The following PSMB3 variants were observed in gnomAD, a reference collection of about 807,000 sequenced individuals.
PSMB3 encodes proteasome subunit beta type-3.
PSMB3 carries 5 observed loss-of-function variants against 23.3 expected under a neutral mutation model. That is an observed-to-expected ratio of 0.21 (90% confidence interval 0.11 to 0.45). PSMB3 has a LOEUF of 0.45. Among genes scored for constraint, PSMB3 ranks in the 20% least tolerant of loss-of-function variants. The pLI is 0.99. For missense variants in PSMB3, 192 were observed against 277.9 expected (o/e 0.69, Z 2.20); for synonymous variants, 85 against 99.8 (o/e 0.85, Z 0.88).
chr17:38,756,717 A>C (rs891488512), intron 3 of PSMB3, among the ~76,000 whole-genome samples: 2 of 152,000 alleles, frequency 1.3e-5, no homozygotes, highest in African/African-American at 4.8e-5. Flanking sequence ...GCTGGTCTCG[A>C]ACTCCTGACC....
chr17:38,758,444 ATCC>A (rs1307185412), intron 3 of PSMB3, among the ~76,000 whole-genome samples: 1 of 151,972 alleles, frequency 6.6e-6, no homozygotes, highest in Non-Finnish European at 1.5e-5. Context: ...GGTGCAAGCA[ATCC>A]TCCTGCCTCA....
intron 3 of PSMB3, among the ~76,000 whole-genome samples, chr17:38,759,156 T>C (rs150936481): frequency 3.2e-4 from 49 of 152,398 alleles, no homozygotes; most frequent in African/African-American, 1.2e-3. Context: ...TGGTATTTTA[T>C]AGATATTCCT....
intron 3 of PSMB3, among the ~76,000 whole-genome samples, chr17:38,758,996 A>G (rs1434290089): frequency 1.3e-5 from 2 of 152,184 alleles, no homozygotes; most frequent in African/African-American, 4.8e-5. Context: ...CAGTGAGCCA[A>G]GATCGCACCA....
rs1908176124 is a variant in PSMB3, at chr17:38,755,883, T to C, written c.189T>C (p.Val63=). Residue 63 remains valine (V), a splice_region_variant and synonymous_variant, in exon 3 of 6, where the codon GTT becomes GTC. Transcript: ENST00000619426. ...LAGLATDVQT[V]AQRLKFRLNL... ...CTAACTCACTTTTCTCCTACCTCAG[T>C]GCCCAGCGCCTCAAGTTCCGGCTGA... is the stretch of plus-strand genomic sequence containing the variant. The C allele has an allele frequency of 6.2e-7, 1 of 1,613,640 alleles. No homozygotes were observed. The highest frequency in any genetic ancestry group is 1.3e-5 in the African/African-American group (1 of 74,876).
In PSMB3 at chr17:38,755,755, G is replaced by GT. The variant is rs1250175187; in HGVS notation, c.189-127dup. On this transcript the variant is annotated intron_variant, in intron 2 of 5. Transcript: ENST00000619426. ...CACCAGTTGCTACTTCCTAACACATGTAAGACTACAGTTTTCCCTGGGCAG... is the reference window on the plus strand; with the variant it reads ...CACCAGTTGCTACTTCCTAACACATGTTAAGACTACAGTTTTCCCTGGGCAG... 9.8e-5 allele frequency: 61 copies of GT among 623,376 alleles called. No homozygotes were observed. In the African/African-American group the frequency reaches 9.9e-4, roughly 10 times the overall value. 38.6% of individuals were successfully genotyped at this position (623,376 alleles called of 1,614,324 possible). A position where few individuals can be genotyped will look rare whatever the true frequency, so the allele number is the denominator to read the frequency against.
At chr17:38,753,699 G>A (rs1045736561) in intron 2 of PSMB3, among the ~76,000 whole-genome samples, 1 of 152,062 alleles carries the variant, frequency 6.6e-6, no homozygotes, top group African/African-American at 2.4e-5. Flanking sequence ...GGCTAGTTTC[G>A]AACTCCTGAC....
chr17:38,754,224 C>G (rs981577912), intron 2 of PSMB3, among the ~76,000 whole-genome samples: 4 of 152,138 alleles, frequency 2.6e-5, no homozygotes, highest in African/African-American at 7.2e-5. Flanking sequence ...AATCCCAACA[C>G]TTTGGGAGGC....
At chr17:38,755,646 TA>T (rs66894167) in intron 2 of PSMB3, among the ~76,000 whole-genome samples, 20,638 of 65,582 alleles carry the variant, frequency 0.31, 3,654 homozygotes, top group Middle Eastern at 0.5. Flanking sequence ...AGACTCCGTC[TA>T]AAAAAAAAAA....
chr17:38,760,669 A>G, intron 4 of PSMB3, 61 bp downstream of exon 4: 1 of 1,591,252 alleles, frequency 6.3e-7, no homozygotes. Context: ...TCATTAGGAA[A>G]AAAGTGTGTT....
intron 2 of PSMB3, among the ~76,000 whole-genome samples, chr17:38,754,153 G>A (rs963699948): frequency 1.3e-5 from 2 of 152,200 alleles, no homozygotes; most frequent in Non-Finnish European, 2.9e-5. Flanking sequence ...GCTCACAAGC[G>A]TGGGTGGATG....
intron 2 of PSMB3, among the ~76,000 whole-genome samples, chr17:38,755,670 A>ATGTGTGTGTGTGTGTGTG (rs1303372813): frequency 1.2e-5 from 1 of 85,522 alleles, no homozygotes; most frequent in African/African-American, 4.1e-5. Flanking sequence ...ATATATATAT[A>ATGTGTGTGTGTGTGTGTG]TATATATATA....
chr17:38,763,246 A>G (rs372781143), intron 5 of PSMB3, among the ~76,000 whole-genome samples: 1 of 151,772 alleles, frequency 6.6e-6, no homozygotes, highest in Non-Finnish European at 1.5e-5. Context: ...CCCAGCTACT[A>G]GGGAGGCTGA....
Position 38,756,503 on chromosome 17 carries a change from C to CT in PSMB3, c.296+523dup, listed in dbSNP as rs540442601. On this transcript the variant is annotated intron_variant, in intron 3 of 5. Transcript: ENST00000619426. ...AGAATATAAGTTGAGCTCTCTTTTTCTTTTTTTTTTGAGACGGAGTCTTGC... is the reference window on the plus strand; with the variant it reads ...AGAATATAAGTTGAGCTCTCTTTTTCTTTTTTTTTTTGAGACGGAGTCTTGC... Among the ~76,000 whole-genome samples the CT allele has an allele frequency of 4.1e-3, 608 of 149,168 alleles. 6 individuals are homozygous for CT. Among genetic ancestry groups the CT allele is most frequent in the African/African-American group, 0.013 (526 of 40,810 alleles).
chr17:38,760,448 C>T lies in PSMB3; in HGVS notation c.314C>T (p.Thr105Ile). The T allele has an allele frequency of 6.2e-7, 1 of 1,614,178 alleles. No homozygotes were observed. Among genetic ancestry groups the T allele is most frequent in the Non-Finnish European group, 8.5e-7 (1 of 1,180,014 alleles). ...LYEKRFGPYY[T>I]EPVIAGLDPK... Reference sequence around the variant, plus strand: ...CCCCACAGGTTTGGCCCTTACTACACTGAGCCAGTCATTGCCGGGTTGGAC... The same window carrying T: ...CCCCACAGGTTTGGCCCTTACTACATTGAGCCAGTCATTGCCGGGTTGGAC... The change falls in exon 4 of 6, where the codon ACT becomes ATT. Residue 105 changes from threonine to isoleucine, a missense_variant. By Grantham distance (89) the Thr-to-Ile change is moderately conservative. Transcript: ENST00000619426.
At chr17:38,762,334 A>C in intron 4 of PSMB3, 77 bp from the exon 5 acceptor site, 1 of 1,240,522 alleles carries the variant, frequency 8.1e-7, no homozygotes, top group Non-Finnish European at 1.2e-6. Context: ...TCTTGAGCCT[A>C]GAAAAAAGAG....
chr17:38,762,202 G>C, intron 4 of PSMB3: 1 of 544,648 alleles, frequency 1.8e-6, no homozygotes, highest in South Asian at 2.5e-5. Context: ...TTCAGGGCTT[G>C]AAGTCTCTTT....
chr17:38,761,157 C>G (rs1225581628), intron 4 of PSMB3, among the ~76,000 whole-genome samples: 1 of 151,790 alleles, frequency 6.6e-6, no homozygotes, highest in East Asian at 1.9e-4. Flanking sequence ...CAGGACCAGC[C>G]TGACCAACAT....
At chr17:38,754,692 A>G (rs1291908253) in intron 2 of PSMB3, among the ~76,000 whole-genome samples, 5 of 151,996 alleles carry the variant, frequency 3.3e-5, no homozygotes, top group Admixed American at 2.0e-4. Flanking sequence ...TTTTCTTCAG[A>G]GGGCTTTTCT....
At chr17:38,753,478 C>T (rs1401242386) in intron 2 of PSMB3, 144 bp downstream of exon 2, 12 of 836,822 alleles carry the variant, frequency 1.4e-5, no homozygotes, top group Admixed American at 3.2e-5. Flanking sequence ...CATGTCCTTC[C>T]CTTTCTTTTT....
Sources: gnomAD v4.1 joint callset for allele counts (sites outside exome capture counted in the v4.1 genomes callset) on GRCh38, gnomAD v4.1.1 for gene constraint, MANE v1.5 for transcripts, NCBI Gene and HGNC (gene_info 2026-07-23, HGNC 2026-07-21) for gene names.